SMARCC1: variants seen among roughly 807,000 people sequenced by gnomAD.
SMARCC1 encodes the protein SWI/SNF complex subunit SMARCC1.
Under a neutral mutation model 147.4 loss-of-function variants are expected in SMARCC1, and 43 were observed. The ratio of observed to expected loss-of-function variants is 0.29; its 90% CI spans 0.23 to 0.38. The LOEUF (loss-of-function observed/expected upper bound fraction) is 0.38. Ranked by LOEUF, SMARCC1 falls within the 10% of genes least tolerant of loss-of-function variation. SMARCC1 has a pLI of 1.00. For missense variants in SMARCC1, 1,119 were observed against 1,381.1 expected (o/e 0.81, Z 3.01); for synonymous variants, 495 against 484.4 (o/e 1.02, Z -0.29).
intron 27 of SMARCC1, among the ~76,000 whole-genome samples, chr3:47,589,170 A>G (rs1339197637): frequency 6.6e-6 from 1 of 152,192 alleles, no homozygotes; most frequent in East Asian, 1.9e-4. Flanking sequence ...CTTTCAGTGG[A>G]GGAAATGAAG....
At position 47,590,851 on chromosome 3, in the gene SMARCC1, T is replaced by C; in HGVS notation, c.3044-14A>G. The C allele has an allele frequency of 6.3e-7, 1 of 1,597,360 alleles. No individual in the cohort carries two copies. ...CTGGTATCTGACCTGTGGAGGGAGA[T>C]TTAAAGTACTGTAAGTATACTAGAA... On this transcript the variant is annotated splice_polypyrimidine_tract_variant and intron_variant, in intron 26 of 27. Transcript: ENST00000254480.
At chr3:47,622,961 AG>A (rs1183683388) in intron 24 of SMARCC1, among the ~76,000 whole-genome samples, 1 of 152,164 alleles carries the variant, frequency 6.6e-6, no homozygotes, top group African/African-American at 2.4e-5. Context: ...CAGCACAAAC[AG>A]GAAGATGCCA....
At chr3:47,633,776 AT>A (rs2106700249) in intron 24 of SMARCC1, among the ~76,000 whole-genome samples, 5 of 40,808 alleles carry the variant, frequency 1.2e-4, no homozygotes, top group South Asian at 1.3e-3. Flanking sequence ...ATATATATAT[AT>A]ATACACACAC....
At chr3:47,743,968 A>G (rs1054544939) in intron 3 of SMARCC1, among the ~76,000 whole-genome samples, 1 of 152,142 alleles carries the variant, frequency 6.6e-6, no homozygotes, top group Non-Finnish European at 1.5e-5. Context: ...CCAAGGACAG[A>G]AAAGAGTTCC....
chr3:47,590,915 A>C, intron 26 of SMARCC1, 78 bp from the exon 27 acceptor site: 1 of 1,162,426 alleles, frequency 8.6e-7, no homozygotes, highest in Non-Finnish European at 1.2e-6. Context: ...TCCAACTCCT[A>C]AATACAAATA....
chr3:47,621,988 G>T (rs985767490), intron 25 of SMARCC1, among the ~76,000 whole-genome samples: 1 of 152,132 alleles, frequency 6.6e-6, no homozygotes, highest in Admixed American at 6.6e-5. Context: ...AAGAAGCTGA[G>T]ATTTAGATAA....
At chr3:47,759,528 G>A (rs1307044) in intron 2 of SMARCC1, among the ~76,000 whole-genome samples, 2 of 148,862 alleles carry the variant, frequency 1.3e-5, no homozygotes, top group African/African-American at 2.5e-5. Flanking sequence ...GGCTGAGGCA[G>A]GAGAATAGCT....
intron 26 of SMARCC1, among the ~76,000 whole-genome samples, chr3:47,594,542 A>C (rs1413665967): frequency 2.0e-5 from 3 of 152,234 alleles, no homozygotes; most frequent in Non-Finnish European, 4.4e-5. Context: ...AAAGGGACAA[A>C]TGGCAAGAAC....
At chr3:47,667,675 G>A (rs1422356005) in intron 19 of SMARCC1, among the ~76,000 whole-genome samples, 1 of 152,074 alleles carries the variant, frequency 6.6e-6, no homozygotes, top group Non-Finnish European at 1.5e-5. Context: ...TCAAGAGATC[G>A]AGACCATCCT....
At chr3:47,618,437 T>C (rs926341437) in intron 25 of SMARCC1, among the ~76,000 whole-genome samples, 3 of 151,460 alleles carry the variant, frequency 2.0e-5, no homozygotes, top group African/African-American at 4.9e-5. Context: ...TCTCAGCTGC[T>C]TGGGGAGGCT....
At chr3:47,775,185 C>T (rs1448550957) in intron 1 of SMARCC1, among the ~76,000 whole-genome samples, 2 of 145,442 alleles carry the variant, frequency 1.4e-5, no homozygotes, top group South Asian at 2.2e-4. Flanking sequence ...TTTTTTGAGA[C>T]AGTCTCACTC....
chr3:47,592,993 T>C (rs1368187066), intron 26 of SMARCC1, among the ~76,000 whole-genome samples: 4 of 151,754 alleles, frequency 2.6e-5, no homozygotes, highest in Non-Finnish European at 5.9e-5. Context: ...CTCTTTTTTT[T>C]ATTTTTTATT....
chr3:47,772,695 T>G, intron 2 of SMARCC1, 122 bp downstream of exon 2: 2 of 944,512 alleles, frequency 2.1e-6, no homozygotes, highest in Non-Finnish European at 3.1e-6. Flanking sequence ...CTAAAATTTG[T>G]TTTTTGCTTT....
At chr3:47,689,236 T>G (rs2033763814) in intron 13 of SMARCC1, 151 bp downstream of exon 13, 1 of 627,942 alleles carries the variant, frequency 1.6e-6, no homozygotes, top group African/African-American at 1.9e-5. Flanking sequence ...TTTGTTTTCC[T>G]TAGGGGAAAA....
intron 24 of SMARCC1, among the ~76,000 whole-genome samples, chr3:47,633,549 GC>G (rs2032920628): frequency 6.6e-6 from 1 of 151,396 alleles, no homozygotes; most frequent in Non-Finnish European, 1.5e-5. Context: ...TTCAAGACCA[GC>G]CTGATCAATA....
chr3:47,677,315 G>T (rs980704965), intron 16 of SMARCC1, among the ~76,000 whole-genome samples: 18 of 151,134 alleles, frequency 1.2e-4, no homozygotes, highest in African/African-American at 4.4e-4. Context: ...TGGCCAGACT[G>T]GTCTCGAACT....
chr3:47,692,186 T>C (rs1447416412), intron 12 of SMARCC1, among the ~76,000 whole-genome samples: 1 of 152,206 alleles, frequency 6.6e-6, no homozygotes, highest in African/African-American at 2.4e-5. Flanking sequence ...AAATCAAGCC[T>C]AATGTCTCAT....
intron 25 of SMARCC1, among the ~76,000 whole-genome samples, chr3:47,615,560 T>G (rs1259738200): frequency 6.6e-6 from 1 of 152,212 alleles, no homozygotes; most frequent in African/African-American, 2.4e-5. Context: ...TCATAGTATT[T>G]GGTTTCTTTG....
At chr3:47,734,511 G>A (rs2034417024) in intron 5 of SMARCC1, among the ~76,000 whole-genome samples, 1 of 152,166 alleles carries the variant, frequency 6.6e-6, no homozygotes, top group South Asian at 2.1e-4. Flanking sequence ...GACATTTCAT[G>A]AGGCTTCTCA....
Sources: allele counts gnomAD v4.1 joint callset (sites outside exome capture counted in the v4.1 genomes callset), GRCh38; gene constraint gnomAD v4.1.1; transcripts MANE v1.5; gene names NCBI Gene and HGNC (gene_info 2026-07-23, HGNC 2026-07-21).